The following CUX1 variants were observed in gnomAD, a reference collection of about 807,000 sequenced individuals.
The protein encoded by CUX1 is cut like homeobox 1.
In CUX1, 31 loss-of-function variants were observed where a neutral mutation model predicts 158.8. The ratio of observed to expected loss-of-function variants is 0.20; its 90% confidence interval spans 0.15 to 0.26. The LOEUF (loss-of-function observed/expected upper bound fraction) is 0.26, where lower values mean the gene tolerates loss of function less well. Ranked by LOEUF, CUX1 falls within the 10% of genes least tolerant of loss-of-function variation. The probability of loss-of-function intolerance (pLI) is 1.00; values close to 1 mark genes in which losing one functional copy is unlikely to be tolerated. For missense variants in CUX1, 1,589 were observed against 2,014.6 expected (o/e 0.79, Z 4.04); for synonymous variants, 879 against 862.1 (o/e 1.02, Z -0.34).
intron 1 of CUX1, among the ~76,000 whole-genome samples, chr7:101,832,152 G>A (rs1449148279): frequency 6.6e-6 from 1 of 152,208 alleles, no homozygotes. Context: ...AGGGAGGGGT[G>A]ATAATGGAAC....
At chr7:102,241,323 TG>T (rs1370604813) in intron 23 of CUX1, among the ~76,000 whole-genome samples, 1 of 152,068 alleles carries the variant, frequency 6.6e-6, no homozygotes, top group Non-Finnish European at 1.5e-5. Flanking sequence ...AGGGCCCTGA[TG>T]GAGATCCCTA....
intron 1 of CUX1, among the ~76,000 whole-genome samples, chr7:101,847,078 C>A (rs78019024): frequency 0.062 from 9,372 of 152,120 alleles, 996 homozygotes; most frequent in African/African-American, 0.21. Context: ...CAGGAGTTCG[C>A]GGCTGCAGCA....
In CUX1 at chr7:102,194,669, A is replaced by G. The variant is rs539684766; in HGVS notation, c.1125+779A>G. On this transcript the variant is annotated intron_variant, in intron 13 of 23. Coordinates refer to ENST00000292535, the MANE Select transcript of CUX1 (RefSeq NM_181552.4). ...AGGAACTTTAGTTACATGCTGCCTC[A>G]GTAGAGAAGGTACAAGGGAAGGATG... Among the ~76,000 whole-genome samples the G allele has an allele frequency of 2.6e-5, 4 of 152,102 alleles. No individual in the cohort carries two copies. The South Asian group carries it at 8.3e-4, about 32-fold the overall frequency.
chr7:102,081,114 T>G (rs891066707), intron 4 of CUX1, among the ~76,000 whole-genome samples: 6 of 152,224 alleles, frequency 3.9e-5, no homozygotes, highest in Non-Finnish European at 7.3e-5. Flanking sequence ...CTCTTCCTCC[T>G]TAGACTTTTG....
chr7:101,816,512 GGGCGGCGGGGGGCGGGC>G, upstream of CUX1, among the ~76,000 whole-genome samples: 1 of 141,316 alleles, frequency 7.1e-6, no homozygotes, highest in South Asian at 2.2e-4. Context: ...AGCGGGGAGC[GGGCGGCGGGGGGCGGGC>G]GGCGGCGGGC....
chr7:102,213,907 T>G (rs1586250335), intron 20 of CUX1, among the ~76,000 whole-genome samples: 1 of 151,456 alleles, frequency 6.6e-6, no homozygotes. Flanking sequence ...CCAAGGCGGG[T>G]GGATCACCTG....
chr7:101,892,542 G>A (rs1010798691), intron 1 of CUX1, among the ~76,000 whole-genome samples: 2 of 152,108 alleles, frequency 1.3e-5, no homozygotes, highest in Non-Finnish European at 2.9e-5. Flanking sequence ...TACGTTATAC[G>A]CAGTCTGAGA....
chr7:102,039,990 A>T (rs1821889491), intron 3 of CUX1, among the ~76,000 whole-genome samples: 2 of 151,998 alleles, frequency 1.3e-5, no homozygotes, highest in Admixed American at 1.3e-4. Context: ...TCAGAGCTGC[A>T]TGCAGGACGT....
intron 19 of CUX1, chr7:102,280,142 A>G (rs1554548853): frequency 6.6e-7 from 1 of 1,507,922 alleles, no homozygotes; most frequent in Non-Finnish European, 9.2e-7. Context: ...CAGCCTGGGC[A>G]GGGGAGGGGA....
At chr7:101,866,637 A>T (rs1289297501) in intron 1 of CUX1, among the ~76,000 whole-genome samples, 1 of 152,148 alleles carries the variant, frequency 6.6e-6, no homozygotes, top group East Asian at 1.9e-4. Flanking sequence ...GTCTCTTAAA[A>T]AAAAGTTAAA....
At chr7:101,953,613 T>C (rs1426179746) in intron 2 of CUX1, among the ~76,000 whole-genome samples, 1 of 152,210 alleles carries the variant, frequency 6.6e-6, no homozygotes, top group Non-Finnish European at 1.5e-5. Flanking sequence ...TGAGTAATGA[T>C]GTCTTAAGCT....
chr7:101,919,258 G>A (rs1462297100), intron 2 of CUX1, among the ~76,000 whole-genome samples: 1 of 151,950 alleles, frequency 6.6e-6, no homozygotes. Flanking sequence ...CACATGTGTG[G>A]AGCCTCAGCT....
At chr7:102,277,304 T>C (rs1791678731) in intron 17 of CUX1, among the ~76,000 whole-genome samples, 1 of 151,662 alleles carries the variant, frequency 6.6e-6, no homozygotes, top group South Asian at 2.1e-4. Context: ...CTCTAAAATA[T>C]ATAGACAGGG....
intron 14 of CUX1, among the ~76,000 whole-genome samples, chr7:102,271,724 T>C (rs782145190): frequency 5.9e-5 from 9 of 152,220 alleles, no homozygotes; most frequent in Non-Finnish European, 1.2e-4. Flanking sequence ...TCAGTGAATG[T>C]CTGAAGGAAG....
downstream of CUX1, among the ~76,000 whole-genome samples, chr7:102,261,411 T>C (rs1474638338): frequency 1.3e-5 from 2 of 152,052 alleles, no homozygotes; most frequent in Non-Finnish European, 2.9e-5. Flanking sequence ...GGAGAATCAC[T>C]TGAACCCAGG....
At chr7:102,029,503 A>G (rs961281800) in intron 3 of CUX1, among the ~76,000 whole-genome samples, 3 of 152,116 alleles carry the variant, frequency 2.0e-5, no homozygotes, top group Non-Finnish European at 4.4e-5. Flanking sequence ...TGGGAAATTC[A>G]TCAACTGGGA....
intron 2 of CUX1, among the ~76,000 whole-genome samples, chr7:101,985,215 A>G (rs1814126691): frequency 6.6e-6 from 1 of 152,132 alleles, no homozygotes; most frequent in African/African-American, 2.4e-5. Flanking sequence ...TATACACGCT[A>G]TAGTCTTGGC....
chr7:101,834,365 G>C (rs1794400911), intron 1 of CUX1, among the ~76,000 whole-genome samples: 1 of 151,128 alleles, frequency 6.6e-6, no homozygotes, highest in Non-Finnish European at 1.5e-5. Flanking sequence ...GTAGAGATGG[G>C]GTTTCGCCAT....
At chr7:102,154,963 A>G (rs1836104822) in intron 8 of CUX1, among the ~76,000 whole-genome samples, 1 of 152,192 alleles carries the variant, frequency 6.6e-6, no homozygotes, top group African/African-American at 2.4e-5. Context: ...TGATGCATTC[A>G]GAGGAGGATT....
Sources: gnomAD v4.1 joint callset for allele counts (sites outside exome capture counted in the v4.1 genomes callset) on GRCh38, gnomAD v4.1.1 for gene constraint, MANE v1.5 for transcripts, NCBI Gene and HGNC (gene_info 2026-07-23, HGNC 2026-07-21) for gene names.